The following GANAB variants were observed in gnomAD, a reference collection of about 807,000 sequenced individuals.
GANAB encodes the protein glucosidase II alpha subunit.
A neutral mutation model predicts 129.9 loss-of-function variants in GANAB; 35 were observed. That is an observed-to-expected ratio of 0.27 (90% CI 0.21 to 0.36). The LOEUF is 0.36. GANAB is among the 10% of genes least tolerant of loss of function. The pLI is 1.00. For synonymous variants in GANAB, 482 were observed against 451.8 expected (o/e 1.07, Z -0.85); for missense variants, 939 against 1,221.0 (o/e 0.77, Z 3.44).
intron 1 of GANAB, among the ~76,000 whole-genome samples, chr11:62,645,883 T>A (rs751990005): frequency 1.3e-5 from 2 of 152,196 alleles, no homozygotes; most frequent in Non-Finnish European, 2.9e-5. Flanking sequence ...TAGTAAACAT[T>A]TGTGGCACTG....
intron 1 of GANAB, among the ~76,000 whole-genome samples, chr11:62,645,443 G>A (rs1027636747): frequency 2.0e-5 from 3 of 151,662 alleles, no homozygotes; most frequent in Non-Finnish European, 4.4e-5. Flanking sequence ...GGCTGAGGCA[G>A]GAGAATGGCG....
At chr11:62,643,677 G>A (rs1396090868) in intron 1 of GANAB, among the ~76,000 whole-genome samples, 2 of 151,990 alleles carry the variant, frequency 1.3e-5, no homozygotes, top group African/African-American at 2.4e-5. Context: ...TTAGCCAGGC[G>A]TAGTGGCACA....
At chr11:62,641,298 T>A (rs1225880982) in intron 1 of GANAB, among the ~76,000 whole-genome samples, 1 of 147,652 alleles carries the variant, frequency 6.8e-6, no homozygotes, top group Non-Finnish European at 1.5e-5. Flanking sequence ...GAGCCAAGAT[T>A]GTGCTACTGC....
intron 1 of GANAB, 128 bp downstream of exon 1, chr11:62,646,434 C>T (rs1944487448): frequency 9.1e-7 from 1 of 1,099,472 alleles, no homozygotes; most frequent in South Asian, 1.3e-5. Flanking sequence ...AGGCCGCCTC[C>T]AGAGGAACAA....
chr11:62,639,175 C>A, intron 3 of GANAB, 65 bp from the exon 4 acceptor site: 1 of 1,564,764 alleles, frequency 6.4e-7, no homozygotes, highest in Non-Finnish European at 8.8e-7. Context: ...GCTCTTTGAA[C>A]CCATTCTCTC....
chr11:62,639,499 A>T (rs768343918), intron 2 of GANAB, 32 bp from the exon 3 acceptor site: 36 of 1,548,222 alleles, frequency 2.3e-5, no homozygotes, highest in Non-Finnish European at 3.2e-5. Flanking sequence ...AGTAAGGTAA[A>T]GGCCACCTGC....
rs151144620 is a variant in GANAB at position 62,640,720 on chromosome 11, C to A, written c.39-989G>T. On this transcript the variant is annotated intron_variant, in intron 1 of 23. Transcript: ENST00000356638. The stretch of plus-strand genomic sequence containing the variant: ...TGGTGGTGGGCAGCTGTAGTCCCAG[C>A]TACTCGGGAGGCTGAGGCAGGAGAA... Among the ~76,000 whole-genome samples, 8 of 149,506 alleles carry A rather than the reference C, an allele frequency of 5.4e-5. No homozygotes were observed. The Admixed American group carries it at 5.5e-4, about 10-fold the overall frequency.
At position 62,637,257 on chromosome 11, in the gene GANAB, AG is replaced by A. The variant is rs1293708186; in HGVS notation, c.380+1725del. The stretch of plus-strand genomic sequence containing the variant: ...ACTAATGTATCACTATCAATTCACT[AG>A]GTATCACAAATGAACCATAGTCATA... On this transcript the variant is annotated intron_variant, in intron 4 of 23. Transcript: ENST00000356638. Among the ~76,000 whole-genome samples, 7 of 152,312 alleles carry A rather than the reference AG, an allele frequency of 4.6e-5. No individual in the cohort carries two copies. The South Asian group carries it at 8.3e-4, about 18-fold the overall frequency.
At chr11:62,641,738 C>A (rs994344031) in intron 1 of GANAB, among the ~76,000 whole-genome samples, 1 of 149,340 alleles carries the variant, frequency 6.7e-6, no homozygotes, top group Non-Finnish European at 1.5e-5. Context: ...CGCCACCATG[C>A]CCAGCTAATT....
At chr11:62,642,233 T>C (rs1030603892) in intron 1 of GANAB, among the ~76,000 whole-genome samples, 6 of 152,110 alleles carry the variant, frequency 3.9e-5, no homozygotes, top group African/African-American at 1.4e-4. Flanking sequence ...AAAATTTTTT[T>C]TGGTAGCAAC....
Position 62,626,174 on chromosome 11 carries a change from G to A in GANAB, c.2625-9C>T, listed in dbSNP as rs2134455262. 6.3e-7 allele frequency: 1 copy of A among 1,582,450 alleles called. No individual in the cohort carries two copies. On this transcript the variant is annotated splice_polypyrimidine_tract_variant and intron_variant, in intron 22 of 23. Transcript: ENST00000356638. ...CTTCAGGGTCTGCTGAGCTGGAGAT[G>A]GTAAAAGCAGATGTCCATCAGGGGG...
intron 9 of GANAB, among the ~76,000 whole-genome samples, chr11:62,632,019 G>A (rs1943710673): frequency 6.6e-6 from 1 of 151,606 alleles, no homozygotes; most frequent in Admixed American, 6.6e-5. Flanking sequence ...TGTCACCCAG[G>A]CTGGAGTGCA....
chr11:62,632,098 C>A lies in GANAB; in HGVS notation c.996+467G>T, dbSNP rs1439860206. Among the ~76,000 whole-genome samples, 3 of 151,938 alleles carry A rather than the reference C, an allele frequency of 2.0e-5. No homozygotes were observed. The East Asian group carries it at 5.8e-4, about 29-fold the overall frequency. ...ATGCAATTAACCTGCCTTAGCCTCC[C>A]GAATAGCTGGGATTACAGGAGTCCG... On this transcript the variant is annotated intron_variant, in intron 9 of 23. Transcript: ENST00000356638.
At chr11:62,634,488 A>T in intron 5 of GANAB, 2 of 727,582 alleles carry the variant, frequency 2.7e-6, no homozygotes, top group East Asian at 2.5e-5. Context: ...GGGGGGAAAA[A>T]GAAACCAAAA....
chr11:62,629,476 G>A, intron 15 of GANAB, 112 bp downstream of exon 15: 2 of 830,978 alleles, frequency 2.4e-6, no homozygotes, highest in Non-Finnish European at 2.0e-6. Flanking sequence ...TAGCTGAGAG[G>A]AAACAGATGC....
At chr11:62,627,706 C>G (rs139573291) in intron 17 of GANAB, among the ~76,000 whole-genome samples, 1 of 151,938 alleles carries the variant, frequency 6.6e-6, no homozygotes, top group Non-Finnish European at 1.5e-5. Flanking sequence ...CGCACTCCAG[C>G]CTGGGGGACG....
chr11:62,638,271 G>T (rs970943616), intron 4 of GANAB, among the ~76,000 whole-genome samples: 1 of 151,874 alleles, frequency 6.6e-6, no homozygotes. Flanking sequence ...GTCCTGCCTC[G>T]GCCTCCTGAG....
At chr11:62,644,187 G>A (rs1002045167) in intron 1 of GANAB, among the ~76,000 whole-genome samples, 7 of 151,972 alleles carry the variant, frequency 4.6e-5, no homozygotes, top group Non-Finnish European at 8.8e-5. Flanking sequence ...CAGGTGATTC[G>A]CCAGCCTCGG....
chr11:62,631,736 G>A (rs747161474), intron 9 of GANAB, among the ~76,000 whole-genome samples: 2 of 151,616 alleles, frequency 1.3e-5, no homozygotes, highest in Non-Finnish European at 2.9e-5. Context: ...GCTGGGATTA[G>A]AGGTGGGAGC....
Sources: allele counts gnomAD v4.1 joint callset (sites outside exome capture counted in the v4.1 genomes callset), GRCh38; gene constraint gnomAD v4.1.1; transcripts MANE v1.5; gene names NCBI Gene and HGNC (gene_info 2026-07-23, HGNC 2026-07-21).